The following CACNB2 variants were observed in gnomAD, a reference collection of about 807,000 sequenced individuals.
CACNB2 encodes calcium voltage-gated channel auxiliary subunit beta 2.
Under a neutral mutation model 73.3 loss-of-function variants are expected in CACNB2, and 42 were observed. The observed-to-expected ratio is 0.57, with a 90% CI of 0.45 to 0.74. The LOEUF is 0.74. CACNB2 is among the 30% of genes least tolerant of loss of function. The probability of loss-of-function intolerance (pLI) is 0.00; values close to 1 mark genes in which losing one functional copy is unlikely to be tolerated. For missense variants in CACNB2, 940 were observed against 853.0 expected (o/e 1.10, Z -1.27); for synonymous variants, 348 against 310.3 (o/e 1.12, Z -1.28).
intron 2 of CACNB2, among the ~76,000 whole-genome samples, chr10:18,153,701 C>T (rs969501057): frequency 8.0e-5 from 12 of 150,036 alleles, no homozygotes; most frequent in African/African-American, 1.7e-4. Context: ...CCTGCCTCAG[C>T]CTTGCGAGTA....
At chr10:18,309,178 C>T (rs2039861846) in intron 2 of CACNB2, among the ~76,000 whole-genome samples, 1 of 152,002 alleles carries the variant, frequency 6.6e-6, no homozygotes, top group African/African-American at 2.4e-5. Flanking sequence ...AATATGTTAT[C>T]TTATTTTTTA....
intron 3 of CACNB2, among the ~76,000 whole-genome samples, chr10:18,466,297 A>G (rs561619647): frequency 5.9e-5 from 9 of 152,284 alleles, no homozygotes. Flanking sequence ...GTGCAGTGAC[A>G]TGATCATAGC....
At chr10:18,232,782 A>C (rs947805631) in intron 2 of CACNB2, among the ~76,000 whole-genome samples, 10 of 152,186 alleles carry the variant, frequency 6.6e-5, no homozygotes, top group Non-Finnish European at 1.5e-4. Context: ...CAAATATCCC[A>C]GTATCTTTTG....
intron 2 of CACNB2, among the ~76,000 whole-genome samples, chr10:18,284,026 C>CT (rs1014329723): frequency 6.6e-5 from 10 of 151,382 alleles, no homozygotes; most frequent in Non-Finnish European, 1.5e-4. Context: ...TAAGTTTTTC[C>CT]TTTTTTCAAA....
At chr10:18,144,238 C>T (rs556704235) in intron 1 of CACNB2, among the ~76,000 whole-genome samples, 39 of 152,256 alleles carry the variant, frequency 2.6e-4, no homozygotes, top group Non-Finnish European at 2.9e-4. Flanking sequence ...CCACCATGCT[C>T]AGCTAATTTT....
At position 18,140,757 on chromosome 10, in the gene CACNB2, C is replaced by G; in HGVS notation, c.21C>G (p.Ser7=). ...CGCCAATGGTCCAAAGGGACATGTC[C>G]AAGTCGCCTCCCACAGCGGCGGCGG... MVQRDM[S]KSPPTAAAAV... Residue 7 remains serine (S), a synonymous_variant, in exon 1 of 14, where the codon TCC becomes TCG. Coordinates refer to ENST00000324631, the MANE Select transcript of CACNB2 (RefSeq NM_201596.3). The G allele has an allele frequency of 1.3e-6, 2 of 1,595,226 alleles. No homozygotes were observed. The highest frequency in any genetic ancestry group is 1.7e-6 in the Non-Finnish European group (2 of 1,172,492).
intron 2 of CACNB2, among the ~76,000 whole-genome samples, chr10:18,361,354 CTGTGCATGA>C (rs2042129796): frequency 6.6e-6 from 1 of 150,570 alleles, no homozygotes; most frequent in African/African-American, 2.4e-5. Context: ...AAAAAAATAG[CTGTGCATGA>C]TGGTGCATGC....
intron 5 of CACNB2, among the ~76,000 whole-genome samples, chr10:18,503,258 G>A (rs1387116630): frequency 6.6e-6 from 1 of 152,150 alleles, no homozygotes; most frequent in Non-Finnish European, 1.5e-5. Context: ...CTTATTTTGT[G>A]TTTTCCTACC....
intron 9 of CACNB2, among the ~76,000 whole-genome samples, chr10:18,519,219 C>G (rs1171884375): frequency 2.0e-5 from 3 of 152,190 alleles, no homozygotes; most frequent in Admixed American, 6.5e-5. Flanking sequence ...ACTGGCCAGT[C>G]TCACCCTCAA....
At chr10:18,179,060 C>A (rs1462493727) in intron 2 of CACNB2, among the ~76,000 whole-genome samples, 1 of 152,190 alleles carries the variant, frequency 6.6e-6, no homozygotes, top group Non-Finnish European at 1.5e-5. Context: ...TTAGAATTTT[C>A]TAGGCCTTAC....
At position 18,539,314 on chromosome 10, in the gene CACNB2, G is replaced by A. The variant is rs778403888; in HGVS notation, c.1573G>A (p.Val525Ile). Residue 525 changes from valine (V) to isoleucine (I), a missense_variant, in exon 14 of 14, where the codon GTC (valine) becomes ATC (isoleucine). Physicochemically the swap from Val to Ile is conservative, Grantham distance 29. Transcript: ENST00000324631. ...QAEEEPSVEP[V>I]KKSQHRSSSS... ...TGAAGAAGAACCTAGTGTGGAACCA[G>A]TCAAGAAATCCCAGCACCGCTCTTC... The A allele has an allele frequency of 1.4e-5, 23 of 1,613,786 alleles. No homozygotes were observed. Among genetic ancestry groups the A allele is most frequent in the Non-Finnish European group, 1.9e-5 (22 of 1,179,964 alleles).
chr10:18,462,414 C>T (rs1279970410), intron 3 of CACNB2, among the ~76,000 whole-genome samples: 2 of 152,100 alleles, frequency 1.3e-5, no homozygotes, highest in Non-Finnish European at 2.9e-5. Flanking sequence ...TCACCATGCC[C>T]AGGTAATTTT....
intron 2 of CACNB2, among the ~76,000 whole-genome samples, chr10:18,332,494 C>T (rs2040844134): frequency 1.3e-5 from 2 of 152,074 alleles, no homozygotes; most frequent in Non-Finnish European, 2.9e-5. Flanking sequence ...AACTCAAAGA[C>T]CTTAAATATT....
chr10:18,431,423 A>G (rs774941030), intron 3 of CACNB2, among the ~76,000 whole-genome samples: 2 of 152,096 alleles, frequency 1.3e-5, no homozygotes, highest in Non-Finnish European at 2.9e-5. Flanking sequence ...TTTTATAAAT[A>G]TGTAAAAATC....
intron 3 of CACNB2, among the ~76,000 whole-genome samples, chr10:18,415,698 G>A (rs1016528582): frequency 7.9e-5 from 12 of 152,056 alleles, no homozygotes; most frequent in African/African-American, 1.7e-4. Flanking sequence ...GTCCAACAAC[G>A]CCTGCCATTT....
chr10:18,404,770 C>A (rs1297244878), intron 3 of CACNB2, among the ~76,000 whole-genome samples: 1 of 152,216 alleles, frequency 6.6e-6, no homozygotes, highest in African/African-American at 2.4e-5. Flanking sequence ...ACTAGAGATA[C>A]TGTCTTTTAA....
At position 18,367,418 on chromosome 10, in the gene CACNB2, T is replaced by A. The variant is rs184689114; in HGVS notation, c.214-34506T>A. Among the ~76,000 whole-genome samples, 878 of 152,332 alleles carry A rather than the reference T, an allele frequency of 5.8e-3. 7 individuals carry two copies. Among genetic ancestry groups the A allele is most frequent in the Admixed American group, 0.011 (174 of 15,302 alleles). Reference sequence around the variant, plus strand: ...TTTATAAGTGTAACTATAGACAGTTTACATTCTTTTTTAAAAAACTTGATT... The same window carrying A: ...TTTATAAGTGTAACTATAGACAGTTAACATTCTTTTTTAAAAAACTTGATT... On this transcript the variant is annotated intron_variant, in intron 2 of 13. Transcript: ENST00000324631.
intron 10 of CACNB2, among the ~76,000 whole-genome samples, chr10:18,529,179 T>C (rs1215066298): frequency 1.3e-5 from 2 of 152,182 alleles, no homozygotes; most frequent in African/African-American, 4.8e-5. Flanking sequence ...ATTAACAAAG[T>C]CAAGTAATTT....
rs149993424 is a variant in CACNB2 at position 18,434,900 on chromosome 10, C to T, written c.333+32857C>T. Among the ~76,000 whole-genome samples, 345 of 152,198 alleles carry T rather than the reference C, an allele frequency of 2.3e-3. 1 individual carries two copies. The highest frequency in any genetic ancestry group is 0.01 in the East Asian group (52 of 5,176). ...ATTCCAATCTACCATCATGAGAGAACGAGAATATTAGAAGGCAAATGATGT... is the reference window on the plus strand; with the variant it reads ...ATTCCAATCTACCATCATGAGAGAATGAGAATATTAGAAGGCAAATGATGT... On this transcript the variant is annotated intron_variant, in intron 3 of 13. Coordinates refer to ENST00000324631, the MANE Select transcript of CACNB2 (RefSeq NM_201596.3).
Sources: gnomAD v4.1 joint callset for allele counts (sites outside exome capture counted in the v4.1 genomes callset) on GRCh38, gnomAD v4.1.1 for gene constraint, MANE v1.5 for transcripts, NCBI Gene and HGNC (gene_info 2026-07-23, HGNC 2026-07-21) for gene names.